The following KLHL29 variants were observed in gnomAD, a reference collection of about 807,000 sequenced individuals.
KLHL29 encodes kelch like family member 29.
Under a neutral mutation model 80.4 loss-of-function variants are expected in KLHL29, and 21 were observed. The ratio of observed to expected loss-of-function variants is 0.26; its 90% confidence interval spans 0.19 to 0.38. KLHL29 has a LOEUF of 0.38. Ranked by LOEUF, KLHL29 falls within the 10% of genes least tolerant of loss-of-function variation. The pLI, the probability that KLHL29 is intolerant of heterozygous loss-of-function variation, is 1.00. For synonymous variants in KLHL29, 511 were observed against 526.8 expected, an observed-to-expected ratio of 0.97 and a Z score of 0.41; for missense variants, 867 against 1,223.9, an observed-to-expected ratio of 0.71 and a Z score of 4.35.
chr2:23,650,165 G>A (rs555660488), intron 5 of KLHL29, among the ~76,000 whole-genome samples: 2 of 152,308 alleles, frequency 1.3e-5, no homozygotes, highest in South Asian at 4.1e-4. Flanking sequence ...GGGGGAGCTG[G>A]GGAGACCAGG....
At chr2:23,474,345 C>T (rs1014696419) in intron 1 of KLHL29, among the ~76,000 whole-genome samples, 1 of 152,188 alleles carries the variant, frequency 6.6e-6, no homozygotes, top group Non-Finnish European at 1.5e-5. Context: ...TTCACCAGCA[C>T]TTATCTGCCA....
chr2:23,502,208 A>G (rs72848083), intron 2 of KLHL29, among the ~76,000 whole-genome samples: 2,872 of 152,286 alleles, frequency 0.019, 82 homozygotes, highest in African/African-American at 0.064. Flanking sequence ...AAAAAAATTC[A>G]TTCTGTGCTT....
chr2:23,592,094 C>G (rs1395111324), intron 3 of KLHL29, among the ~76,000 whole-genome samples: 1 of 152,240 alleles, frequency 6.6e-6, no homozygotes, highest in East Asian at 1.9e-4. Flanking sequence ...CTACTGGAAG[C>G]GGGCTGCACC....
chr2:23,499,540 C>A (rs1054758727), intron 2 of KLHL29, among the ~76,000 whole-genome samples: 1 of 152,152 alleles, frequency 6.6e-6, no homozygotes, highest in Non-Finnish European at 1.5e-5. Context: ...ATGGAGTAAT[C>A]GGAATCACCG....
chr2:23,577,427 G>A (rs1667870651), intron 3 of KLHL29, among the ~76,000 whole-genome samples: 1 of 152,068 alleles, frequency 6.6e-6, no homozygotes, highest in South Asian at 2.1e-4. Flanking sequence ...CTCCAGCCTG[G>A]GCAACAGAGC....
intron 5 of KLHL29, among the ~76,000 whole-genome samples, chr2:23,663,789 A>T (rs952002450): frequency 1.3e-5 from 2 of 152,226 alleles, no homozygotes; most frequent in African/African-American, 4.8e-5. Context: ...CTTAGACTTA[A>T]ATTCTTCAGT....
intron 2 of KLHL29, among the ~76,000 whole-genome samples, chr2:23,477,988 A>G (rs1416113599): frequency 1.3e-5 from 2 of 152,134 alleles, no homozygotes; most frequent in Non-Finnish European, 2.9e-5. Flanking sequence ...AGCTCTGGCA[A>G]TCATGTACTT....
At chr2:23,652,560 G>C (rs1670114672) in intron 5 of KLHL29, among the ~76,000 whole-genome samples, 1 of 152,156 alleles carries the variant, frequency 6.6e-6, no homozygotes, top group Non-Finnish European at 1.5e-5. Context: ...TTTACCATGT[G>C]CATGTCCTCC....
At chr2:23,698,105 C>T (rs531177088) in intron 11 of KLHL29, among the ~76,000 whole-genome samples, 1 of 152,372 alleles carries the variant, frequency 6.6e-6, no homozygotes, top group Admixed American at 6.5e-5. Context: ...GAGCAGTTCT[C>T]CAAGACCAGG....
chr2:23,559,428 C>G (rs1268852506), intron 2 of KLHL29, among the ~76,000 whole-genome samples: 1 of 151,870 alleles, frequency 6.6e-6, no homozygotes, highest in Non-Finnish European at 1.5e-5. Flanking sequence ...AAGGGCAAGA[C>G]TGGGGGCGGG....
chr2:23,642,230 G>A (rs542438655), intron 4 of KLHL29, 108 bp from the exon 5 acceptor site: 5 of 1,053,080 alleles, frequency 4.7e-6, no homozygotes, highest in South Asian at 3.5e-5. Flanking sequence ...GGACGCAGGT[G>A]TCTCGTTCCC....
chr2:23,516,424 C>G (rs924405058), intron 2 of KLHL29, among the ~76,000 whole-genome samples: 1 of 152,162 alleles, frequency 6.6e-6, no homozygotes, highest in Non-Finnish European at 1.5e-5. Flanking sequence ...GAATGCTACA[C>G]TAGCCAAGCT....
chr2:23,513,270 T>A (rs1665827733), intron 2 of KLHL29, among the ~76,000 whole-genome samples: 1 of 152,186 alleles, frequency 6.6e-6, no homozygotes, highest in Non-Finnish European at 1.5e-5. Context: ...TCTTAAACAA[T>A]CTTATAGAAA....
intron 1 of KLHL29, among the ~76,000 whole-genome samples, chr2:23,448,422 T>C (rs1333571005): frequency 6.6e-6 from 1 of 152,132 alleles, no homozygotes; most frequent in African/African-American, 2.4e-5. Flanking sequence ...GCAGGTTAAG[T>C]GAATCCATAT....
intron 2 of KLHL29, among the ~76,000 whole-genome samples, chr2:23,497,543 G>A (rs544397422): frequency 1.3e-5 from 2 of 152,264 alleles, no homozygotes; most frequent in East Asian, 3.9e-4. Context: ...CACAGAAATG[G>A]ACTCCAACTC....
intron 1 of KLHL29, among the ~76,000 whole-genome samples, chr2:23,386,963 G>T (rs1666198446): frequency 6.6e-6 from 1 of 152,170 alleles, no homozygotes; most frequent in Admixed American, 6.5e-5. Context: ...TCCCTGGGCT[G>T]TGGAACCAAG....
Position 23,696,126 on chromosome 2 carries a change from C to T in KLHL29, c.1917C>T (p.Tyr639=), listed in dbSNP as rs1218838735. The part of the protein sequence containing the change: ...FSVVSAGDNI[Y]LSGGMESGVT... ...TAGTGAGTGCAGGGGACAACATCTA[C>T]CTCTCAGGTGAGGCCCCCCGGGGTT... The change falls in exon 10 of 14, where the codon TAC becomes TAT. Residue 639 remains tyrosine, a synonymous_variant. Coordinates refer to ENST00000486442, the MANE Select transcript of KLHL29 (RefSeq NM_052920.2). This position sits in a 1 kb window ranked among gnomAD's most constrained non-coding sequence, Gnocchi z 5.5. The T allele has an allele frequency of 3.2e-6, 5 of 1,551,268 alleles. No individual in the cohort carries two copies. The highest frequency in any genetic ancestry group is 1.4e-5 in the African/African-American group (1 of 73,054).
intron 2 of KLHL29, among the ~76,000 whole-genome samples, chr2:23,536,097 G>T (rs1666651056): frequency 6.6e-6 from 1 of 152,184 alleles, no homozygotes; most frequent in Admixed American, 6.5e-5. Flanking sequence ...CTCTCTGACT[G>T]CCAGGCCCTT....
intron 3 of KLHL29, among the ~76,000 whole-genome samples, chr2:23,636,226 C>T (rs1343297795): frequency 6.6e-6 from 1 of 152,158 alleles, no homozygotes; most frequent in African/African-American, 2.4e-5. Context: ...GCCCAGCCTC[C>T]TCGGCAAAGG....
Sources: allele counts gnomAD v4.1 joint callset (sites outside exome capture counted in the v4.1 genomes callset), GRCh38; gene constraint gnomAD v4.1.1; non-coding constraint Gnocchi (gnomAD v3.1); transcripts MANE v1.5; gene names NCBI Gene and HGNC (gene_info 2026-07-23, HGNC 2026-07-21).